BICRAL: variants seen among roughly 807,000 people sequenced by gnomAD.
The protein encoded by BICRAL is BICRA like chromatin remodeling complex associated protein.
A neutral mutation model predicts 91.8 loss-of-function variants in BICRAL; 8 were observed. That is an observed-to-expected ratio of 0.09 (90% CI 0.05 to 0.16). The LOEUF (loss-of-function observed/expected upper bound fraction) is 0.16. BICRAL is among the 10% of genes least tolerant of loss of function. The pLI is 1.00. For missense variants in BICRAL, 1,038 were observed against 1,310.9 expected (o/e 0.79, Z 3.21); for synonymous variants, 445 against 491.1 (o/e 0.91, Z 1.24).
chr6:42,771,249 G>A (rs72864223), intron 1 of BICRAL, among the ~76,000 whole-genome samples: 5,876 of 152,312 alleles, frequency 0.039, 152 homozygotes, highest in Non-Finnish European at 0.054. Flanking sequence ...ACGTGCTGCA[G>A]AAAGAGGACC....
intron 8 of BICRAL, among the ~76,000 whole-genome samples, chr6:42,854,940 T>C (rs988597920): frequency 1.3e-5 from 2 of 152,188 alleles, no homozygotes; most frequent in Non-Finnish European, 2.9e-5. Flanking sequence ...TAGTCTAAAA[T>C]GGAAGGAAAC....
At chr6:42,789,263 T>C (rs980448691) in intron 1 of BICRAL, among the ~76,000 whole-genome samples, 3 of 152,180 alleles carry the variant, frequency 2.0e-5, no homozygotes, top group Admixed American at 6.5e-5. Flanking sequence ...TAAAATTCAG[T>C]AACTCTATAG....
chr6:42,786,582 TG>T (rs1470205583), intron 1 of BICRAL, among the ~76,000 whole-genome samples: 4 of 152,074 alleles, frequency 2.6e-5, no homozygotes, highest in Non-Finnish European at 5.9e-5. Context: ...TACAGTATAG[TG>T]GGGAAGGACA....
Position 42,775,459 on chromosome 6 carries a change from G to A in BICRAL, c.-260-6380G>A, listed in dbSNP as rs1333686021. Among the ~76,000 whole-genome samples the A allele has an allele frequency of 3.3e-5, 5 of 152,168 alleles. No homozygotes were observed. The East Asian group carries it at 7.7e-4, about 23-fold the overall frequency. On this transcript the variant is annotated intron_variant, in intron 1 of 14. Coordinates refer to the BICRAL transcript ENST00000614467. ...TCCTCCTGAGCAGGTGGAATAGAAG[G>A]AATGCTCTATTTAGGAGAGTTAAAG... is the stretch of plus-strand genomic sequence containing the variant.
intron 2 of BICRAL, among the ~76,000 whole-genome samples, chr6:42,814,669 G>T (rs935345957): frequency 6.6e-6 from 1 of 150,978 alleles, no homozygotes; most frequent in African/African-American, 2.4e-5. Context: ...GGGATTACAG[G>T]CATGCGCCAC....
intron 1 of BICRAL, among the ~76,000 whole-genome samples, chr6:42,764,742 C>T (rs1352401967): frequency 1.3e-5 from 2 of 152,100 alleles, no homozygotes; most frequent in Admixed American, 1.3e-4. Flanking sequence ...CACTTGCAAG[C>T]TCTGCCTCCC....
At chr6:42,763,645 A>AC in intron 1 of BICRAL, among the ~76,000 whole-genome samples, 1 of 151,508 alleles carries the variant, frequency 6.6e-6, no homozygotes, top group African/African-American at 2.4e-5. Context: ...ACATGGTGAA[A>AC]CCCCATCTCT....
chr6:42,840,070 T>C (rs1764740126), intron 6 of BICRAL, among the ~76,000 whole-genome samples: 2 of 152,182 alleles, frequency 1.3e-5, no homozygotes, highest in African/African-American at 2.4e-5. Flanking sequence ...AGGTCCAAAT[T>C]TCTCTATTAT....
At chr6:42,802,826 C>T (rs749558416) in intron 1 of BICRAL, among the ~76,000 whole-genome samples, 3 of 152,056 alleles carry the variant, frequency 2.0e-5, no homozygotes, top group Non-Finnish European at 4.4e-5. Flanking sequence ...AACAGTCCTC[C>T]GTCCTCAGCC....
At chr6:42,787,914 G>A (rs1460228096) in intron 1 of BICRAL, among the ~76,000 whole-genome samples, 3 of 148,042 alleles carry the variant, frequency 2.0e-5, no homozygotes, top group African/African-American at 7.5e-5. Flanking sequence ...TTTTTTTTAA[G>A]ACAAGATGTC....
intron 1 of BICRAL, among the ~76,000 whole-genome samples, chr6:42,772,008 A>T (rs1272247997): frequency 6.6e-6 from 1 of 152,140 alleles, no homozygotes; most frequent in Non-Finnish European, 1.5e-5. Flanking sequence ...GGCAGACTGT[A>T]AACAAATCAT....
chr6:42,777,001 A>G (rs1762816711), intron 1 of BICRAL, among the ~76,000 whole-genome samples: 1 of 152,216 alleles, frequency 6.6e-6, no homozygotes, highest in South Asian at 2.1e-4. Context: ...ATTGTGAGCA[A>G]ACTATATACA....
At chr6:42,750,638 C>T (rs1312661714) in intron 1 of BICRAL, among the ~76,000 whole-genome samples, 3 of 152,098 alleles carry the variant, frequency 2.0e-5, no homozygotes, top group Non-Finnish European at 4.4e-5. Flanking sequence ...TGCAATGGCG[C>T]GATCTCGGCT....
chr6:42,817,892 C>G (rs1266770545), intron 2 of BICRAL, among the ~76,000 whole-genome samples: 2 of 149,254 alleles, frequency 1.3e-5, no homozygotes, highest in Non-Finnish European at 3.0e-5. Context: ...GTAGGCCCAG[C>G]TACTTAGGGG....
intron 5 of BICRAL, among the ~76,000 whole-genome samples, chr6:42,824,928 A>C (rs1272239108): frequency 6.6e-6 from 1 of 152,114 alleles, no homozygotes; most frequent in African/African-American, 2.4e-5. Flanking sequence ...TTTGAGACCA[A>C]CCAGCATAGT....
intron 1 of BICRAL, among the ~76,000 whole-genome samples, chr6:42,776,770 C>A (rs573543911): frequency 6.6e-6 from 1 of 152,234 alleles, no homozygotes; most frequent in African/African-American, 2.4e-5. Flanking sequence ...TTAAACTAGG[C>A]CAAAATCACG....
chr6:42,825,555 AC>A (rs1008556140), intron 5 of BICRAL, among the ~76,000 whole-genome samples: 9 of 150,356 alleles, frequency 6.0e-5, no homozygotes, highest in African/African-American at 2.2e-4. Context: ...ACAGAGCAAG[AC>A]TCGGTCTCAA....
chr6:42,852,182 A>G lies in BICRAL; in HGVS notation c.1930A>G (p.Ser644Gly). The part of the protein sequence containing the change: ...LRQAQIPGLL[S>G]TTLPGQDSGS... ...GCAAGCACAGATCCCTGGGCTCTTG[A>G]GCACCACACTGCCAGGTCAGGAGCT... is the stretch of plus-strand genomic sequence containing the variant. The change falls in exon 7 of 13, where the codon AGC becomes GGC. Residue 644 changes from serine (S) to glycine (G), a missense_variant. Coordinates refer to ENST00000314073, the MANE Select transcript of BICRAL (RefSeq NM_001393499.1). 1.2e-6 allele frequency: 2 copies of G among 1,608,824 alleles called. No individual in the cohort carries two copies. The highest frequency in any genetic ancestry group is 1.1e-5 in the South Asian group (1 of 90,962).
intron 1 of BICRAL, among the ~76,000 whole-genome samples, chr6:42,788,286 GCAATCT>G (rs1278713820): frequency 1.4e-5 from 2 of 144,786 alleles, no homozygotes; most frequent in East Asian, 4.1e-4. Flanking sequence ...GTGCAGTGGC[GCAATCT>G]CAGCTCACTG....
Sources: allele counts gnomAD v4.1 joint callset (sites outside exome capture counted in the v4.1 genomes callset), GRCh38; gene constraint gnomAD v4.1.1; transcripts MANE v1.5; gene names NCBI Gene and HGNC (gene_info 2026-07-23, HGNC 2026-07-21).